Variants in TCF4 observed in about 807,000 individuals in gnomAD.
TCF4 encodes SL3-3 enhancer factor 2.
In TCF4, 3 loss-of-function variants were observed where a neutral mutation model predicts 82.1. The observed-to-expected ratio is 0.04, with a 90% CI of 0.02 to 0.09. TCF4 has a LOEUF of 0.09. TCF4 is among the 10% of genes least tolerant of loss of function. The pLI, the probability that TCF4 is intolerant of heterozygous loss-of-function variation, is 1.00. For missense variants in TCF4, 518 were observed against 852.7 expected (o/e 0.61, Z 4.89); for synonymous variants, 276 against 309.6 (o/e 0.89, Z 1.14).
intron 3 of TCF4, among the ~76,000 whole-genome samples, chr18:55,529,035 G>A (rs902708564): frequency 6.6e-5 from 10 of 152,018 alleles, no homozygotes; most frequent in African/African-American, 1.5e-4. Flanking sequence ...AAAATTAGCC[G>A]GGCATGGTGG....
At chr18:55,425,811 A>C (rs994076243) in intron 5 of TCF4, among the ~76,000 whole-genome samples, 2 of 152,178 alleles carry the variant, frequency 1.3e-5, no homozygotes, top group African/African-American at 4.8e-5. Flanking sequence ...CTTTTGTTAC[A>C]ATGAGCACAA....
intron 16 of TCF4, 34 bp from the exon 17 acceptor site, chr18:55,232,705 C>T (rs772622526): frequency 6.2e-7 from 1 of 1,613,532 alleles, no homozygotes; most frequent in South Asian, 1.1e-5. Context: ...GACATGTACA[C>T]CACAATCTCA....
At chr18:55,333,984 G>C (rs1428295542) in intron 8 of TCF4, among the ~76,000 whole-genome samples, 2 of 151,980 alleles carry the variant, frequency 1.3e-5, no homozygotes, top group Non-Finnish European at 2.9e-5. Context: ...ATTTTTAGCT[G>C]GATCTGTCTC....
chr18:55,443,894 T>G (rs887312164), intron 5 of TCF4, among the ~76,000 whole-genome samples: 1 of 152,202 alleles, frequency 6.6e-6, no homozygotes, highest in Non-Finnish European at 1.5e-5. Flanking sequence ...GCATTATACA[T>G]GCATTACCTC....
chr18:55,514,878 G>A (rs1310287175), intron 3 of TCF4, among the ~76,000 whole-genome samples: 7 of 152,008 alleles, frequency 4.6e-5, no homozygotes, highest in Non-Finnish European at 1.5e-5. Flanking sequence ...ATCTGATTAT[G>A]AATAATACAT....
intron 8 of TCF4, among the ~76,000 whole-genome samples, chr18:55,342,978 T>A (rs933918853): frequency 1.3e-5 from 2 of 152,128 alleles, no homozygotes; most frequent in Non-Finnish European, 2.9e-5. Flanking sequence ...TCAGGAGGCA[T>A]ATTTAGAATG....
In TCF4 at chr18:55,338,513, C is replaced by A. The variant is rs554815050; in HGVS notation, c.549+11846G>T. ...ATTCTATTCACTCCCTGCCAGCATACAAAACACAAACTGAATTACATAAGA... is the reference window on the plus strand; with the variant it reads ...ATTCTATTCACTCCCTGCCAGCATAAAAAACACAAACTGAATTACATAAGA... On this transcript the variant is annotated intron_variant, in intron 8 of 19. Coordinates refer to ENST00000354452, the MANE Select transcript of TCF4 (RefSeq NM_001083962.2). Among the ~76,000 whole-genome samples the A allele has an allele frequency of 7.2e-5, 11 of 152,098 alleles. 1 individual carries two copies. Among genetic ancestry groups the A allele is most frequent in the African/African-American group, 2.7e-4 (11 of 41,408 alleles).
chr18:55,541,100 A>G (rs2146952899), intron 3 of TCF4, among the ~76,000 whole-genome samples: 1 of 152,130 alleles, frequency 6.6e-6, no homozygotes, highest in Admixed American at 6.5e-5. Flanking sequence ...ATGACAGTGT[A>G]AAGATCTCTC....
chr18:55,540,692 C>CT (rs2097158090), intron 3 of TCF4, among the ~76,000 whole-genome samples: 1 of 151,972 alleles, frequency 6.6e-6, no homozygotes, highest in Non-Finnish European at 1.5e-5. Flanking sequence ...ACTCCACAAG[C>CT]ATTAACACTA....
chr18:55,521,153 C>G (rs1344429272), intron 3 of TCF4, among the ~76,000 whole-genome samples: 8 of 152,032 alleles, frequency 5.3e-5, no homozygotes, highest in Admixed American at 5.2e-4. Context: ...AATTTTCCCC[C>G]AGAAACAAAA....
At chr18:55,622,539 T>C (rs938402493) in intron 2 of TCF4, among the ~76,000 whole-genome samples, 5 of 151,894 alleles carry the variant, frequency 3.3e-5, no homozygotes, top group Non-Finnish European at 5.9e-5. Flanking sequence ...ACTGCTTTGT[T>C]TAGTTTATCA....
chr18:55,252,067 A>G (rs535092768), intron 15 of TCF4, among the ~76,000 whole-genome samples: 1 of 152,066 alleles, frequency 6.6e-6, no homozygotes, highest in African/African-American at 2.4e-5. Context: ...TTTAAAATTC[A>G]TACCAGTTTG....
intron 5 of TCF4, among the ~76,000 whole-genome samples, chr18:55,436,960 T>A (rs1039690469): frequency 6.6e-6 from 1 of 152,320 alleles, no homozygotes; most frequent in East Asian, 1.9e-4. Flanking sequence ...GCAGAGATAA[T>A]ATTAGAAAGT....
intron 10 of TCF4, among the ~76,000 whole-genome samples, chr18:55,273,245 C>T (rs1274740452): frequency 1.3e-5 from 2 of 152,152 alleles, no homozygotes; most frequent in Admixed American, 6.6e-5. Context: ...TATAATTACA[C>T]ATTCTGTTAT....
intron 5 of TCF4, among the ~76,000 whole-genome samples, chr18:55,410,118 C>T (rs2094283005): frequency 6.6e-6 from 1 of 152,122 alleles, no homozygotes; most frequent in South Asian, 2.1e-4. Flanking sequence ...ACTAACTAGG[C>T]ACATAGCTTG....
At chr18:55,528,857 C>T (rs1419098332) in intron 3 of TCF4, among the ~76,000 whole-genome samples, 1 of 152,132 alleles carries the variant, frequency 6.6e-6, no homozygotes, top group Non-Finnish European at 1.5e-5. Context: ...AGTAAAATCT[C>T]ATTCTTGACT....
Position 55,619,458 on chromosome 18 carries a change from T to C in TCF4, c.286+11840A>G, listed in dbSNP as rs564287071. Among the ~76,000 whole-genome samples, 268 of 152,310 alleles carry C rather than the reference T, an allele frequency of 1.8e-3. 2 individuals are homozygous for C. The highest frequency in any genetic ancestry group is 4.0e-3 in the Admixed American group (61 of 15,292). ...TGTATGCTCTATTTTGGATAGTTTCTATTTCAGTATATTCAAGTTCATAAA... is the reference window on the plus strand; with the variant it reads ...TGTATGCTCTATTTTGGATAGTTTCCATTTCAGTATATTCAAGTTCATAAA... On this transcript the variant is annotated intron_variant, in intron 2 of 20. Coordinates refer to the TCF4 transcript ENST00000398339.
intron 6 of TCF4, among the ~76,000 whole-genome samples, chr18:55,369,638 C>A (rs943684086): frequency 6.6e-6 from 1 of 152,188 alleles, no homozygotes; most frequent in Non-Finnish European, 1.5e-5. Context: ...TGCCCTCACA[C>A]CTGCACAGGT....
At chr18:55,408,076 T>C (rs1449888849) in intron 5 of TCF4, among the ~76,000 whole-genome samples, 2 of 152,172 alleles carry the variant, frequency 1.3e-5, no homozygotes, top group African/African-American at 4.8e-5. Context: ...CTAACAGAGA[T>C]GATCCCTCTT....
Sources: allele counts gnomAD v4.1 joint callset (sites outside exome capture counted in the v4.1 genomes callset), GRCh38; gene constraint gnomAD v4.1.1; transcripts MANE v1.5; gene names NCBI Gene and HGNC (gene_info 2026-07-23, HGNC 2026-07-21).